Variants in MYRIP observed in about 807,000 individuals in gnomAD.
MYRIP encodes the protein rab effector MyRIP.
MYRIP carries 49 observed loss-of-function variants against 98.0 expected under a neutral mutation model. That is an observed-to-expected ratio of 0.50 (90% CI 0.40 to 0.63). The LOEUF is 0.63. MYRIP is among the 30% of genes least tolerant of loss of function. The probability of loss-of-function intolerance (pLI) is 0.00; values close to 1 mark genes in which losing one functional copy is unlikely to be tolerated. For synonymous variants in MYRIP, 404 were observed against 409.5 expected (o/e 0.99, Z 0.16); for missense variants, 1,004 against 1,058.2 (o/e 0.95, Z 0.71).
chr3:40,037,925 T>C (rs949810263), intron 2 of MYRIP, among the ~76,000 whole-genome samples: 3 of 152,084 alleles, frequency 2.0e-5, no homozygotes, highest in African/African-American at 7.2e-5. Flanking sequence ...CCTGGAAGTG[T>C]CCTCAACCTT....
intron 2 of MYRIP, among the ~76,000 whole-genome samples, chr3:40,033,063 C>T (rs376018786): frequency 4.2e-4 from 63 of 150,812 alleles, no homozygotes; most frequent in African/African-American, 1.3e-3. Flanking sequence ...ATTGATGGGA[C>T]GTATCTCAAA....
intron 1 of MYRIP, among the ~76,000 whole-genome samples, chr3:39,879,122 A>G (rs1943096809): frequency 6.6e-6 from 1 of 151,648 alleles, no homozygotes; most frequent in African/African-American, 2.4e-5. Flanking sequence ...ATATATGTAG[A>G]GGGAGAGAGT....
intron 2 of MYRIP, among the ~76,000 whole-genome samples, chr3:39,956,416 T>C (rs559620271): frequency 1.3e-5 from 2 of 152,272 alleles, no homozygotes; most frequent in Non-Finnish European, 2.9e-5. Context: ...AACAACCTGC[T>C]CCTGAATGAC....
intron 2 of MYRIP, among the ~76,000 whole-genome samples, chr3:39,987,048 G>A (rs964551049): frequency 1.3e-5 from 2 of 152,020 alleles, no homozygotes; most frequent in African/African-American, 4.8e-5. Context: ...ATGTAGCTTT[G>A]TTACATAGGT....
intron 3 of MYRIP, among the ~76,000 whole-genome samples, chr3:40,109,043 C>A (rs1949107689): frequency 2.6e-5 from 4 of 152,182 alleles, no homozygotes; most frequent in Admixed American, 2.0e-4. Flanking sequence ...AACCCTAAGT[C>A]TCTTTCCCTT....
rs535047366 is a variant in MYRIP, at chr3:39,919,553, T to C, written c.110+18627T>C. Among the ~76,000 whole-genome samples, 6 of 152,308 alleles carry C rather than the reference T, an allele frequency of 3.9e-5. No homozygotes were observed. The South Asian group carries it at 1.2e-3, about 32-fold the overall frequency. On this transcript the variant is annotated intron_variant, in intron 2 of 16. Transcript: ENST00000302541. ...TTGTCACCTCCTGGGTTGGCCCCTC[T>C]GGTACCAGTTTTATCCAATTGTGTG...
intron 2 of MYRIP, among the ~76,000 whole-genome samples, chr3:40,027,266 C>T (rs1482409692): frequency 6.6e-6 from 1 of 152,108 alleles, no homozygotes; most frequent in Non-Finnish European, 1.5e-5. Context: ...TCTCCAATGA[C>T]TCCTGCCCAG....
intron 1 of MYRIP, among the ~76,000 whole-genome samples, chr3:39,856,875 G>A (rs988451123): frequency 6.6e-5 from 10 of 152,096 alleles, no homozygotes; most frequent in South Asian, 4.2e-4. Flanking sequence ...AAGGAAACGC[G>A]GCAAGCAGCA....
chr3:39,928,649 T>TG (rs780498276), intron 2 of MYRIP, among the ~76,000 whole-genome samples: 3 of 102,502 alleles, frequency 2.9e-5, no homozygotes, highest in African/African-American at 1.4e-4. Flanking sequence ...AAAAAAATTA[T>TG]CAAAAAAAAA....
At chr3:40,042,289 A>T (rs61071542) in intron 2 of MYRIP, among the ~76,000 whole-genome samples, 8 of 23,128 alleles carry the variant, frequency 3.5e-4, no homozygotes, top group East Asian at 0.014. Context: ...CTGGAAGGAT[A>T]AAAAAAAAAA....
chr3:40,000,052 A>G lies in MYRIP; in HGVS notation c.111-43998A>G, dbSNP rs530872434. Among the ~76,000 whole-genome samples, 305 of 150,680 alleles carry G rather than the reference A, an allele frequency of 2.0e-3. 4 individuals are homozygous for G. The highest frequency in any genetic ancestry group is 7.1e-3 in the African/African-American group (292 of 40,852). On this transcript the variant is annotated intron_variant, in intron 2 of 16. Coordinates refer to ENST00000302541, the MANE Select transcript of MYRIP (RefSeq NM_015460.4). ...GGGAGGAGGGGAGGGGGGAGGGATA[A>G]CAATAGGAAATATACCTAATGTTAA... is the stretch of plus-strand genomic sequence containing the variant.
At chr3:39,879,336 T>TTA (rs1288503991) in intron 1 of MYRIP, among the ~76,000 whole-genome samples, 3 of 151,890 alleles carry the variant, frequency 2.0e-5, no homozygotes, top group Non-Finnish European at 4.4e-5. Flanking sequence ...AACATCTGGG[T>TTA]TATCTCAGGG....
chr3:39,869,857 T>C (rs1040009355), intron 1 of MYRIP, among the ~76,000 whole-genome samples: 30 of 152,150 alleles, frequency 2.0e-4, no homozygotes, highest in Admixed American at 7.2e-4. Flanking sequence ...TGGCTCCTCA[T>C]CTCACAGAGA....
chr3:40,008,221 T>C (rs1483837334), intron 2 of MYRIP, among the ~76,000 whole-genome samples: 1 of 152,174 alleles, frequency 6.6e-6, no homozygotes, highest in East Asian at 1.9e-4. Context: ...CAAGGTAGCA[T>C]TTCCATATAT....
intron 2 of MYRIP, among the ~76,000 whole-genome samples, chr3:40,002,616 C>T (rs992359996): frequency 1.3e-5 from 2 of 152,022 alleles, no homozygotes; most frequent in East Asian, 1.9e-4. Context: ...CAGCATAGCC[C>T]TCCCTTTCTG....
chr3:39,956,902 C>A (rs1462571418), intron 2 of MYRIP, among the ~76,000 whole-genome samples: 1 of 151,712 alleles, frequency 6.6e-6, no homozygotes, highest in Middle Eastern at 3.4e-3. Context: ...TATAAACACC[C>A]CTACACAAAT....
At chr3:40,083,869 G>A (rs1388557726) in intron 3 of MYRIP, among the ~76,000 whole-genome samples, 1 of 152,058 alleles carries the variant, frequency 6.6e-6, no homozygotes, top group African/African-American at 2.4e-5. Flanking sequence ...CGGGCGCGGT[G>A]GCTCACGCCT....
chr3:40,101,039 A>G (rs946231403), intron 3 of MYRIP, among the ~76,000 whole-genome samples: 4 of 152,162 alleles, frequency 2.6e-5, no homozygotes, highest in African/African-American at 9.6e-5. Context: ...CTTACACACC[A>G]CTTTCAACTT....
At position 39,852,553 on chromosome 3, in the gene MYRIP, C is replaced by G. The variant is rs1380944331; in HGVS notation, c.-31+42637C>G. Among the ~76,000 whole-genome samples, 10 of 152,246 alleles carry G rather than the reference C, an allele frequency of 6.6e-5. No homozygotes were observed. The South Asian group carries it at 1.2e-3, about 19-fold the overall frequency. ...TCATCACCCCACTCCCCCCTTCCCC[C>G]TGAGTCCCCAAAGTCCTTTATATCA... On this transcript the variant is annotated intron_variant, in intron 1 of 16. Transcript: ENST00000302541.
Sources: gnomAD v4.1 joint callset for allele counts (sites outside exome capture counted in the v4.1 genomes callset) on GRCh38, gnomAD v4.1.1 for gene constraint, MANE v1.5 for transcripts, NCBI Gene and HGNC (gene_info 2026-07-23, HGNC 2026-07-21) for gene names.